The following TBC1D22A variants were observed in gnomAD, a reference collection of about 807,000 sequenced individuals.
TBC1D22A encodes putative GTPase activator.
TBC1D22A carries 38 observed loss-of-function variants against 60.2 expected under a neutral mutation model. The observed-to-expected ratio is 0.63, with a 90% CI of 0.49 to 0.83. TBC1D22A has a LOEUF of 0.83. TBC1D22A is among the 40% of genes least tolerant of loss of function. The probability of loss-of-function intolerance (pLI) is 0.00; values close to 1 mark genes in which losing one functional copy is unlikely to be tolerated. For synonymous variants in TBC1D22A, 302 were observed against 281.7 expected (o/e 1.07, Z -0.72); for missense variants, 628 against 701.0 (o/e 0.90, Z 1.18).
At chr22:46,905,846 C>T (rs1027049709) in intron 7 of TBC1D22A, among the ~76,000 whole-genome samples, 3 of 152,192 alleles carry the variant, frequency 2.0e-5, no homozygotes, top group South Asian at 2.1e-4. Flanking sequence ...GTGTCCCAGA[C>T]GTTCTCTGTT....
chr22:46,963,397 G>A (rs2148068735), intron 8 of TBC1D22A, among the ~76,000 whole-genome samples: 1 of 152,324 alleles, frequency 6.6e-6, no homozygotes, highest in Non-Finnish European at 1.5e-5. Flanking sequence ...GAAAGGCCCA[G>A]GGAGCCTTCA....
At chr22:46,926,126 G>A (rs1435413553) in intron 8 of TBC1D22A, among the ~76,000 whole-genome samples, 1 of 152,174 alleles carries the variant, frequency 6.6e-6, no homozygotes. Context: ...TGAAGAAAAT[G>A]AAAACACAAT....
At chr22:46,856,349 G>T (rs1166911749) in intron 4 of TBC1D22A, among the ~76,000 whole-genome samples, 1 of 152,236 alleles carries the variant, frequency 6.6e-6, no homozygotes, top group Non-Finnish European at 1.5e-5. Context: ...ACTGTTACCA[G>T]CAAAGGCTGC....
intron 9 of TBC1D22A, 131 bp from the exon 10 acceptor site, chr22:46,997,503 C>G: frequency 2.9e-6 from 2 of 698,454 alleles, no homozygotes; most frequent in South Asian, 3.6e-5. Flanking sequence ...GTGTGTTTCT[C>G]GAGATAAAAT....
intron 11 of TBC1D22A, among the ~76,000 whole-genome samples, chr22:47,063,938 CTACTCCAGTGTGGCCTCCTCTG>C (rs2063671222): frequency 6.7e-6 from 1 of 149,804 alleles, no homozygotes; most frequent in Non-Finnish European, 1.5e-5. Context: ...CAGGGCCCCC[CTACTCCAGTGTGGCCTCCTCTG>C]AACTGCATCT....
intron 11 of TBC1D22A, among the ~76,000 whole-genome samples, chr22:47,097,705 G>A (rs1194360336): frequency 6.6e-6 from 1 of 152,160 alleles, no homozygotes; most frequent in African/African-American, 2.4e-5. Context: ...CTTTTTGTGT[G>A]TGAACCTGGT....
At chr22:46,987,253 G>A (rs566059204) in intron 9 of TBC1D22A, among the ~76,000 whole-genome samples, 3 of 152,066 alleles carry the variant, frequency 2.0e-5, no homozygotes, top group South Asian at 2.1e-4. Context: ...TCTCGATGCC[G>A]GAGTGGCATT....
chr22:46,784,018 C>T (rs1025745776), intron 1 of TBC1D22A, among the ~76,000 whole-genome samples: 1 of 152,148 alleles, frequency 6.6e-6, no homozygotes, highest in African/African-American at 2.4e-5. Flanking sequence ...TGTTTCAAAG[C>T]AGTTTAATTC....
intron 1 of TBC1D22A, among the ~76,000 whole-genome samples, chr22:46,764,777 C>T (rs765245772): frequency 3.9e-5 from 6 of 152,198 alleles, no homozygotes; most frequent in Admixed American, 2.0e-4. Context: ...AGTACATTTA[C>T]AAGCCAAGGA....
intron 4 of TBC1D22A, among the ~76,000 whole-genome samples, chr22:46,810,401 C>G (rs2085330713): frequency 6.6e-6 from 1 of 150,514 alleles, no homozygotes; most frequent in South Asian, 2.1e-4. Context: ...TTTAAAAATA[C>G]AAATGAAAAC....
intron 11 of TBC1D22A, among the ~76,000 whole-genome samples, chr22:47,080,621 A>G (rs1008933629): frequency 8.7e-6 from 1 of 114,712 alleles, no homozygotes; most frequent in African/African-American, 3.6e-5. Context: ...ATATACCTGT[A>G]AAAATATATA....
At chr22:46,996,751 C>T (rs1296806807) in intron 9 of TBC1D22A, among the ~76,000 whole-genome samples, 1 of 152,190 alleles carries the variant, frequency 6.6e-6, no homozygotes, top group East Asian at 1.9e-4. Context: ...GCTGCCTCTT[C>T]ATGTTCCTGC....
chr22:46,830,859 C>T (rs531627524), intron 4 of TBC1D22A, among the ~76,000 whole-genome samples: 6 of 152,234 alleles, frequency 3.9e-5, no homozygotes, highest in Admixed American at 6.5e-5. Flanking sequence ...CTGCCTGTGC[C>T]GAGCGGGCTC....
chr22:46,949,837 T>C (rs1294090263), intron 8 of TBC1D22A, among the ~76,000 whole-genome samples: 1 of 152,190 alleles, frequency 6.6e-6, no homozygotes, highest in Non-Finnish European at 1.5e-5. Context: ...GTGAGCACCA[T>C]GCGCAAGGGC....
chr22:47,135,476 G>T (rs145322506), intron 12 of TBC1D22A, among the ~76,000 whole-genome samples: 3 of 152,328 alleles, frequency 2.0e-5, no homozygotes, highest in African/African-American at 7.2e-5. Context: ...GTCGGGGTAG[G>T]GGGAGAAGTG....
At chr22:47,068,016 A>G (rs1196692878) in intron 11 of TBC1D22A, among the ~76,000 whole-genome samples, 1 of 152,228 alleles carries the variant, frequency 6.6e-6, no homozygotes, top group Non-Finnish European at 1.5e-5. Flanking sequence ...TTCCATTGAG[A>G]GGGGTCAGGG....
intron 11 of TBC1D22A, among the ~76,000 whole-genome samples, chr22:47,096,889 C>T (rs1264752711): frequency 2.6e-5 from 4 of 152,208 alleles, no homozygotes; most frequent in Non-Finnish European, 5.9e-5. Flanking sequence ...TTTTTAGGCG[C>T]CACTTTCTCC....
intron 5 of TBC1D22A, among the ~76,000 whole-genome samples, chr22:46,886,858 A>G (rs936530800): frequency 2.0e-5 from 3 of 152,358 alleles, no homozygotes; most frequent in Middle Eastern, 3.4e-3. Context: ...CACACAGTAC[A>G]TAAACAGATG....
At chr22:47,158,263 C>T (rs1035705998) in intron 12 of TBC1D22A, among the ~76,000 whole-genome samples, 1 of 152,214 alleles carries the variant, frequency 6.6e-6, no homozygotes, top group African/African-American at 2.4e-5. Flanking sequence ...CTCTACGTGA[C>T]CCAGACGCTT....
Sources: gnomAD v4.1 joint callset for allele counts (sites outside exome capture counted in the v4.1 genomes callset) on GRCh38, gnomAD v4.1.1 for gene constraint, MANE v1.5 for transcripts, NCBI Gene and HGNC (gene_info 2026-07-23, HGNC 2026-07-21) for gene names.